CCDC148: variants seen among roughly 807,000 people sequenced by gnomAD.
CCDC148 encodes coiled-coil domain containing 148.
In CCDC148, 89 loss-of-function variants were observed where a neutral mutation model predicts 85.7. The observed-to-expected ratio is 1.04, with a 90% confidence interval of 0.87 to 1.24. The LOEUF is 1.24. Ranked by LOEUF, CCDC148 falls within the 50% of genes most tolerant of loss-of-function variation. The probability of loss-of-function intolerance (pLI) is 0.00; values close to 1 mark genes in which losing one functional copy is unlikely to be tolerated. For synonymous variants in CCDC148, 230 were observed against 213.9 expected, an observed-to-expected ratio of 1.08 and a Z score of -0.66; for missense variants, 692 against 671.7, an observed-to-expected ratio of 1.03 and a Z score of -0.33.
intron 1 of CCDC148, chr2:158,424,748 G>T: frequency 4.7e-6 from 1 of 213,348 alleles, no homozygotes; most frequent in South Asian, 7.5e-5. Flanking sequence ...CCCCCAAAAA[G>T]GGTTTTGTGG....
chr2:158,226,410 A>G (rs1251214999), intron 10 of CCDC148, among the ~76,000 whole-genome samples: 1 of 152,214 alleles, frequency 6.6e-6, no homozygotes, highest in Non-Finnish European at 1.5e-5. Context: ...TTCTGAAACT[A>G]TTCCAATCAA....
At chr2:158,376,572 A>T (rs1047002371) in intron 1 of CCDC148, among the ~76,000 whole-genome samples, 17 of 152,086 alleles carry the variant, frequency 1.1e-4, no homozygotes, top group African/African-American at 3.9e-4. Flanking sequence ...GAGGTAAGAA[A>T]TATTAATGCA....
intron 1 of CCDC148, among the ~76,000 whole-genome samples, chr2:158,453,034 C>T (rs1688466849): frequency 6.6e-6 from 1 of 152,220 alleles, no homozygotes; most frequent in Non-Finnish European, 1.5e-5. Flanking sequence ...TTTCCTAATT[C>T]TCTCCCAACA....
intron 5 of CCDC148, among the ~76,000 whole-genome samples, chr2:158,339,684 A>G (rs938785110): frequency 1.3e-5 from 2 of 152,170 alleles, no homozygotes; most frequent in Non-Finnish European, 2.9e-5. Context: ...GGCCTCTCAG[A>G]CAAGAGGACA....
chr2:158,373,912 C>T (rs1351061741), intron 1 of CCDC148, among the ~76,000 whole-genome samples: 1 of 152,064 alleles, frequency 6.6e-6, no homozygotes, highest in Admixed American at 6.6e-5. Context: ...CTGATCATCT[C>T]TGTTTCTCCA....
chr2:158,210,229 T>C (rs544391687), intron 11 of CCDC148, among the ~76,000 whole-genome samples: 42 of 152,174 alleles, frequency 2.8e-4, no homozygotes, highest in South Asian at 8.3e-4. Context: ...CATTACATAA[T>C]GGTAAAAGTA....
At chr2:158,342,662 CTGGAAGGATAAGA>C (rs1373160184) in intron 3 of CCDC148, among the ~76,000 whole-genome samples, 1 of 152,170 alleles carries the variant, frequency 6.6e-6, no homozygotes, top group African/African-American at 2.4e-5. Flanking sequence ...TGGCACCTTT[CTGGAAGGATAAGA>C]ATCTATACCA....
chr2:158,359,845 G>C (rs1683852534), intron 1 of CCDC148, among the ~76,000 whole-genome samples: 1 of 152,138 alleles, frequency 6.6e-6, no homozygotes, highest in Non-Finnish European at 1.5e-5. Context: ...CCCCTGGAAA[G>C]GGGGCTGAAA....
chr2:158,238,328 T>C (rs974065155), intron 10 of CCDC148, among the ~76,000 whole-genome samples: 2 of 151,964 alleles, frequency 1.3e-5, no homozygotes, highest in South Asian at 4.2e-4. Context: ...TGACACGTCA[T>C]GCACTGTAAA....
chr2:158,249,132 G>C (rs28583551), intron 10 of CCDC148, among the ~76,000 whole-genome samples: 6,514 of 152,180 alleles, frequency 0.043, 314 homozygotes, highest in African/African-American at 0.11. Context: ...CAATACTTGA[G>C]TTATTTAATT....
At chr2:158,401,912 C>A (rs544957641) in intron 1 of CCDC148, among the ~76,000 whole-genome samples, 5 of 151,968 alleles carry the variant, frequency 3.3e-5, no homozygotes, top group African/African-American at 1.2e-4. Context: ...GCTACAGAAC[C>A]AAAGAATAGA....
chr2:158,361,782 G>T (rs552010716), intron 1 of CCDC148, among the ~76,000 whole-genome samples: 10 of 152,162 alleles, frequency 6.6e-5, no homozygotes, highest in Admixed American at 6.6e-4. Flanking sequence ...TAACGAGCTA[G>T]CATCATGATG....
At chr2:158,406,828 G>A (rs1310006241) in intron 1 of CCDC148, among the ~76,000 whole-genome samples, 1 of 151,720 alleles carries the variant, frequency 6.6e-6, no homozygotes, top group Non-Finnish European at 1.5e-5. Flanking sequence ...TTGCCATGTT[G>A]CCTACTCTGG....
chr2:158,312,237 G>C (rs577098557), intron 8 of CCDC148, among the ~76,000 whole-genome samples: 4 of 152,124 alleles, frequency 2.6e-5, no homozygotes, highest in Non-Finnish European at 5.9e-5. Flanking sequence ...AAACTTCTCA[G>C]CTTTGTTTTA....
intron 7 of CCDC148, among the ~76,000 whole-genome samples, chr2:158,331,655 G>A (rs1693130531): frequency 6.6e-6 from 1 of 152,136 alleles, no homozygotes; most frequent in Non-Finnish European, 1.5e-5. Context: ...CTCTTTGTAG[G>A]TCACTCAGGA....
At chr2:158,383,473 C>A (rs1373433703) in intron 1 of CCDC148, among the ~76,000 whole-genome samples, 1 of 151,940 alleles carries the variant, frequency 6.6e-6, no homozygotes, top group Non-Finnish European at 1.5e-5. Context: ...CAAAGCTATA[C>A]ATCAAAATGT....
intron 7 of CCDC148, among the ~76,000 whole-genome samples, chr2:158,330,431 TG>T (rs1693037184): frequency 6.6e-6 from 1 of 152,228 alleles, no homozygotes; most frequent in South Asian, 2.1e-4. Flanking sequence ...TGAGGATTTT[TG>T]CATCAATGTT....
chr2:158,279,385 T>G (rs1422105931), intron 9 of CCDC148, among the ~76,000 whole-genome samples: 22 of 151,966 alleles, frequency 1.4e-4, no homozygotes. Flanking sequence ...TGAAAAAAAT[T>G]TAGATGAATG....
intron 11 of CCDC148, among the ~76,000 whole-genome samples, chr2:158,197,168 A>G (rs767085627): frequency 1.3e-5 from 2 of 152,208 alleles, no homozygotes; most frequent in Non-Finnish European, 2.9e-5. Context: ...TCCACTCACA[A>G]TAAGTCAGGA....
Sources: allele counts gnomAD v4.1 joint callset (sites outside exome capture counted in the v4.1 genomes callset), GRCh38; gene constraint gnomAD v4.1.1; transcripts MANE v1.5; gene names NCBI Gene and HGNC (gene_info 2026-07-23, HGNC 2026-07-21).